SEC63: variants seen among roughly 807,000 people sequenced by gnomAD.
SEC63 encodes the protein SEC63 protein translocation regulator.
SEC63 carries 56 observed loss-of-function variants against 116.2 expected under a neutral mutation model. The ratio of observed to expected loss-of-function variants is 0.48; its 90% CI spans 0.39 to 0.60. SEC63 has a LOEUF of 0.60. Among genes scored for constraint, SEC63 ranks in the 20% least tolerant of loss-of-function variants. The pLI, the probability that SEC63 is intolerant of heterozygous loss-of-function variation, is 0.00. For synonymous variants in SEC63, 273 were observed against 294.6 expected, an observed-to-expected ratio of 0.93 and a Z score of 0.75; for missense variants, 668 against 900.0, an observed-to-expected ratio of 0.74 and a Z score of 3.30.
chr6:107,934,653 C>A (rs1368667829), intron 1 of SEC63, among the ~76,000 whole-genome samples: 1 of 136,012 alleles, frequency 7.4e-6, no homozygotes, highest in Non-Finnish European at 1.6e-5. Context: ...GCCAGCCACC[C>A]CGTCCAGGAG....
At chr6:107,887,144 T>C (rs1437577585) in intron 16 of SEC63, among the ~76,000 whole-genome samples, 1 of 152,024 alleles carries the variant, frequency 6.6e-6, no homozygotes, top group Non-Finnish European at 1.5e-5. Flanking sequence ...TTTTACACTG[T>C]TGGTGGGACT....
chr6:107,871,928 T>G, intron 20 of SEC63, 81 bp from the exon 21 acceptor site: 2 of 1,440,960 alleles, frequency 1.4e-6, no homozygotes, highest in South Asian at 2.3e-5. Flanking sequence ...AAGGTTTTCT[T>G]TGACCACAGC....
intron 4 of SEC63, among the ~76,000 whole-genome samples, chr6:107,916,898 T>C (rs151029661): frequency 3.3e-5 from 5 of 152,316 alleles, no homozygotes; most frequent in Admixed American, 6.5e-5. Flanking sequence ...AAGATTCAAA[T>C]TGGGCAAATT....
chr6:107,886,575 TG>T (rs1786533891), intron 16 of SEC63, among the ~76,000 whole-genome samples: 4 of 152,154 alleles, frequency 2.6e-5, no homozygotes, highest in Admixed American at 2.6e-4. Context: ...GGTATCTCAT[TG>T]TGGTTTTGAT....
Position 107,912,898 on chromosome 6 carries a change from G to A in SEC63, c.515-124C>T, listed in dbSNP as rs1029888866. The A allele has an allele frequency of 7.9e-6, 6 of 762,212 alleles. No homozygotes were observed. The East Asian group carries it at 1.6e-4, about 20-fold the overall frequency. The allele number at this position is 762,212 out of a possible 1,614,324, so 47.2% of individuals were successfully genotyped here. A position where few individuals can be genotyped will look rare whatever the true frequency, so the allele number is the denominator to read the frequency against. The stretch of plus-strand genomic sequence containing the variant: ...CCCCCACAACACAAAAACAAACTTT[G>A]AGAAAGATTATCTTATTAGTAGGCC... On this transcript the variant is annotated intron_variant, in intron 5 of 20. Coordinates refer to ENST00000369002, the MANE Select transcript of SEC63 (RefSeq NM_007214.5).
chr6:107,911,156 G>A, intron 7 of SEC63, 190 bp downstream of exon 7: 2 of 604,156 alleles, frequency 3.3e-6, no homozygotes, highest in Non-Finnish European at 5.9e-6. Flanking sequence ...CAGAGGTGGG[G>A]TCATGGCTCA....
intron 1 of SEC63, among the ~76,000 whole-genome samples, chr6:107,939,668 A>G (rs923041659): frequency 2.0e-5 from 3 of 152,156 alleles, no homozygotes; most frequent in Non-Finnish European, 4.4e-5. Context: ...CCTAGGAGGC[A>G]GAGGCTGCAG....
chr6:107,934,511 C>T (rs867752494), intron 1 of SEC63, among the ~76,000 whole-genome samples: 16 of 134,274 alleles, frequency 1.2e-4, no homozygotes, highest in Middle Eastern at 4.7e-3. Context: ...GGAGCCCCTC[C>T]GCCCGGCAGC....
At chr6:107,923,163 T>G (rs983605879) in intron 3 of SEC63, among the ~76,000 whole-genome samples, 1 of 152,170 alleles carries the variant, frequency 6.6e-6, no homozygotes, top group Non-Finnish European at 1.5e-5. Context: ...ATTTTTTTTT[T>G]GAGACAGTCT....
chr6:107,906,337 C>T lies in SEC63; in HGVS notation c.961+111G>A, dbSNP rs561083048. On this transcript the variant is annotated intron_variant, in intron 10 of 20. Transcript: ENST00000369002. The stretch of plus-strand genomic sequence containing the variant: ...CTTTTGTTTATATATTACCCAGCCT[C>T]AGGTATTTCTTTAGAGCAATGCGAG... 5.2e-6 allele frequency: 6 copies of T among 1,151,402 alleles called. No individual in the cohort carries two copies. The African/African-American group carries it at 6.1e-5, about 12-fold the overall frequency. 71.3% of individuals were successfully genotyped at this position (1,151,402 alleles called of 1,614,324 possible).
chr6:107,901,905 G>A (rs572160633), intron 12 of SEC63, among the ~76,000 whole-genome samples: 3 of 151,998 alleles, frequency 2.0e-5, no homozygotes, highest in African/African-American at 7.2e-5. Context: ...AATAATAAAC[G>A]TTTACTTTTA....
intron 1 of SEC63, among the ~76,000 whole-genome samples, chr6:107,934,620 G>A (rs1770152475): frequency 6.8e-6 from 1 of 147,696 alleles, no homozygotes; most frequent in South Asian, 2.2e-4. Flanking sequence ...CCGGGAGGGA[G>A]GTGGGGGTCA....
intron 4 of SEC63, among the ~76,000 whole-genome samples, chr6:107,917,889 T>A (rs752083561): frequency 7.2e-5 from 11 of 152,210 alleles, no homozygotes; most frequent in Non-Finnish European, 1.5e-4. Context: ...CAGCAAGTTA[T>A]CCAGAAGATC....
rs755699259 is a variant in SEC63, at chr6:107,912,706, A to G, written c.573+10T>C. ...ATACATCATAATGTATCTTATTTAA[A>G]TGCACTCACCAGAATTGAGTTTTTC... On this transcript the variant is annotated intron_variant, in intron 6 of 20. Coordinates refer to ENST00000369002, the MANE Select transcript of SEC63 (RefSeq NM_007214.5). The G allele has an allele frequency of 2.5e-6, 4 of 1,571,738 alleles. No homozygotes were observed. Among genetic ancestry groups the G allele is most frequent in the South Asian group, 2.2e-5 (2 of 89,888 alleles).
Position 107,901,515 on chromosome 6 carries a change from A to G in SEC63, c.1212T>C (p.Tyr404=). Residue 404 remains tyrosine, a splice_region_variant and synonymous_variant, in exon 13 of 21, where the codon TAT becomes TAC. Transcript: ENST00000369002. ...NLRRVSNHKK[Y]KIKTIQDLVS... ...CCAAATCCTGGATAGTTTTAATTTTATACTGAATAAAAAAAAAAAAGAAAA... is the reference window on the plus strand; with the variant it reads ...CCAAATCCTGGATAGTTTTAATTTTGTACTGAATAAAAAAAAAAAAGAAAA... 1 of 1,556,560 alleles carries G rather than the reference A, an allele frequency of 6.4e-7. No individual in the cohort carries two copies. The highest frequency in any genetic ancestry group is 8.8e-7 in the Non-Finnish European group (1 of 1,135,226).
At position 107,958,111 on chromosome 6, in the gene SEC63, T is replaced by TGCC. The variant is rs1451390410; in HGVS notation, c.-105_-103dup. 17 of 1,543,638 alleles carry TGCC rather than the reference T, an allele frequency of 1.1e-5. No homozygotes were observed. Among genetic ancestry groups the TGCC allele is most frequent in the Non-Finnish European group, 1.5e-5 (17 of 1,135,008 alleles). On this transcript the variant is annotated 5_prime_UTR_variant, in exon 1 of 21. Transcript: ENST00000369002. ...GGCCCGAGTGGCGTAGCTTGGACAC[T>TGCC]GCCGCCGCCGCCTCTCCTCCCCGCC... is the stretch of plus-strand genomic sequence containing the variant.
intron 4 of SEC63, among the ~76,000 whole-genome samples, chr6:107,915,386 T>TC (rs1787375683): frequency 6.6e-6 from 1 of 152,152 alleles, no homozygotes; most frequent in Non-Finnish European, 1.5e-5. Flanking sequence ...GAGAATGCTT[T>TC]CACTAAACTG....
intron 4 of SEC63, among the ~76,000 whole-genome samples, chr6:107,920,426 A>G (rs1787528113): frequency 2.5e-4 from 1 of 3,978 alleles, no homozygotes; most frequent in Non-Finnish European, 1.1e-3. Context: ...ACTCCGTCTC[A>G]AAAAAAAAAA....
chr6:107,887,064 G>C (rs1012963453), intron 16 of SEC63, among the ~76,000 whole-genome samples: 2 of 152,104 alleles, frequency 1.3e-5, no homozygotes, highest in Admixed American at 6.5e-5. Context: ...ATAAGGTGTA[G>C]TTAGAATGGC....
Sources: gnomAD v4.1 joint callset for allele counts (sites outside exome capture counted in the v4.1 genomes callset) on GRCh38, gnomAD v4.1.1 for gene constraint, MANE v1.5 for transcripts, NCBI Gene and HGNC (gene_info 2026-07-23, HGNC 2026-07-21) for gene names.